Variants in SCMH1 observed in about 807,000 individuals in gnomAD.
The protein encoded by SCMH1 is Scm polycomb group protein homolog 1, also known as polycomb protein SCMH1.
Under a neutral mutation model 70.8 loss-of-function variants are expected in SCMH1, and 37 were observed. That is an observed-to-expected ratio of 0.52 (90% CI 0.40 to 0.69). SCMH1 has a LOEUF of 0.69. SCMH1 is among the 30% of genes least tolerant of loss of function. The pLI is 0.00. For synonymous variants in SCMH1, 292 were observed against 307.4 expected (o/e 0.95, Z 0.52); for missense variants, 607 against 827.3 (o/e 0.73, Z 3.27).
intron 13 of SCMH1, among the ~76,000 whole-genome samples, chr1:41,035,178 T>C (rs1645114234): frequency 6.6e-6 from 1 of 152,230 alleles, no homozygotes; most frequent in South Asian, 2.1e-4. Context: ...ATTTTCCCTA[T>C]CCTGATTTAG....
intron 1 of SCMH1, among the ~76,000 whole-genome samples, chr1:41,238,773 C>T (rs999122755): frequency 2.0e-5 from 3 of 152,214 alleles, no homozygotes; most frequent in Non-Finnish European, 2.9e-5. Context: ...AACTTAACTC[C>T]GATATTCCAC....
chr1:41,058,118 C>CA (rs201623540), intron 10 of SCMH1, among the ~76,000 whole-genome samples: 2,520 of 54,228 alleles, frequency 0.046, 46 homozygotes, highest in African/African-American at 0.093. Context: ...GAGATTGTCT[C>CA]AAAAAAAAAA....
At chr1:41,186,906 T>C (rs1650369972) in intron 1 of SCMH1, among the ~76,000 whole-genome samples, 1 of 152,146 alleles carries the variant, frequency 6.6e-6, no homozygotes, top group African/African-American at 2.4e-5. Flanking sequence ...AAATTTCTAT[T>C]GTTTAAGCCA....
intron 1 of SCMH1, among the ~76,000 whole-genome samples, chr1:41,205,897 G>A (rs1655423966): frequency 6.6e-6 from 1 of 152,194 alleles, no homozygotes; most frequent in South Asian, 2.1e-4. Flanking sequence ...TGATACCCAA[G>A]CAAACAAGGT....
intron 1 of SCMH1, among the ~76,000 whole-genome samples, chr1:41,211,650 G>A (rs1657048747): frequency 1.3e-5 from 2 of 152,302 alleles, no homozygotes; most frequent in Non-Finnish European, 1.5e-5. Flanking sequence ...ATTTGACCCA[G>A]CGATCCCATT....
chr1:41,166,077 G>A (rs1189387354), intron 2 of SCMH1, among the ~76,000 whole-genome samples: 5 of 152,066 alleles, frequency 3.3e-5, no homozygotes, highest in African/African-American at 1.2e-4. Context: ...TGGATATCCA[G>A]TTTTCCCAAT....
chr1:41,035,241 T>TA (rs1280058157), intron 13 of SCMH1, among the ~76,000 whole-genome samples: 1 of 152,190 alleles, frequency 6.6e-6, no homozygotes, highest in East Asian at 1.9e-4. Flanking sequence ...GTTGATGACT[T>TA]AAACTGCTCT....
chr1:41,160,731 T>C, intron 4 of SCMH1, 144 bp downstream of exon 4: 3 of 770,210 alleles, frequency 3.9e-6, no homozygotes, highest in South Asian at 1.5e-5. Flanking sequence ...ATGGGATAAT[T>C]AGGCAGACAA....
chr1:41,159,595 C>G, intron 4 of SCMH1: 1 of 1,062,580 alleles, frequency 9.4e-7, no homozygotes, highest in Admixed American at 3.9e-5. Context: ...GAATTTGAAC[C>G]TTGGTTCAAA....
chr1:41,206,780 G>C (rs1264871976), intron 1 of SCMH1, among the ~76,000 whole-genome samples: 2 of 152,078 alleles, frequency 1.3e-5, no homozygotes. Flanking sequence ...AAATGTTAAG[G>C]ATAGCCAGAG....
chr1:41,192,852 C>G (rs565793701), intron 1 of SCMH1, among the ~76,000 whole-genome samples: 1 of 152,326 alleles, frequency 6.6e-6, no homozygotes, highest in East Asian at 1.9e-4. Flanking sequence ...CATTCCTCTT[C>G]TTTTCATATC....
At chr1:41,114,570 G>A (rs1424689095) in intron 7 of SCMH1, among the ~76,000 whole-genome samples, 1 of 151,888 alleles carries the variant, frequency 6.6e-6, no homozygotes, top group Non-Finnish European at 1.5e-5. Context: ...CGAATTTATA[G>A]ATAAATTTGG....
chr1:41,041,507 G>A (rs1051093604), intron 12 of SCMH1: 7 of 152,202 alleles, frequency 4.6e-5, no homozygotes, highest in African/African-American at 1.7e-4. Context: ...TGGATGAGGA[G>A]AGCCTTGGAG....
intron 1 of SCMH1, among the ~76,000 whole-genome samples, chr1:41,195,912 T>C (rs868703321): frequency 5.9e-5 from 9 of 152,308 alleles, no homozygotes; most frequent in Middle Eastern, 3.4e-3. Context: ...CATTTCTATA[T>C]GCTAGCTATG....
rs1414386608 is a variant in SCMH1 at position 41,085,760 on chromosome 1, CTT to C, written c.746-10311_746-10310del. ...ATGTAAACTATTTCACTAATAATGT[CTT>C]ATATTGGTTACATATTGAAATGATA... On this transcript the variant is annotated intron_variant, in intron 8 of 14. Coordinates refer to ENST00000337495, the Ensembl canonical transcript of SCMH1. Among the ~76,000 whole-genome samples, 25 of 149,134 alleles carry C rather than the reference CTT, an allele frequency of 1.7e-4. No individual in the cohort carries two copies. The South Asian group carries it at 1.7e-3, about 10-fold the overall frequency.
At chr1:41,081,815 GTC>G (rs1483751086) in intron 8 of SCMH1, among the ~76,000 whole-genome samples, 1 of 48,988 alleles carries the variant, frequency 2.0e-5, no homozygotes, top group East Asian at 1.7e-3. Flanking sequence ...ATAAGACTCT[GTC>G]TTAAAAAAAA....
intron 10 of SCMH1, among the ~76,000 whole-genome samples, chr1:41,054,394 TAC>T (rs1245916512): frequency 3.9e-5 from 6 of 152,258 alleles, no homozygotes; most frequent in Non-Finnish European, 8.8e-5. Flanking sequence ...TAAAAACATG[TAC>T]ACACACCCCT....
At chr1:41,230,801 T>C (rs537620197) in intron 1 of SCMH1, among the ~76,000 whole-genome samples, 1 of 152,322 alleles carries the variant, frequency 6.6e-6, no homozygotes, top group Middle Eastern at 3.4e-3. Flanking sequence ...TATTAATTCC[T>C]ATGTTCTATC....
intron 6 of SCMH1, among the ~76,000 whole-genome samples, chr1:41,142,495 C>T (rs1485233278): frequency 2.0e-5 from 3 of 152,146 alleles, no homozygotes; most frequent in Admixed American, 6.5e-5. Flanking sequence ...CTTATAACAG[C>T]CATGCTTTCT....
Sources: gnomAD v4.1 joint callset for allele counts (sites outside exome capture counted in the v4.1 genomes callset) on GRCh38, gnomAD v4.1.1 for gene constraint, MANE v1.5 for transcripts, NCBI Gene and HGNC (gene_info 2026-07-23, HGNC 2026-07-21) for gene names.